KLHL4: variants seen among roughly 807,000 people sequenced by gnomAD.
KLHL4 encodes kelch like family member 4.
In KLHL4, 17 loss-of-function variants were observed where a neutral mutation model predicts 45.8. The ratio of observed to expected loss-of-function variants is 0.37; its 90% CI spans 0.25 to 0.56. The LOEUF is 0.56. Among genes scored for constraint, KLHL4 ranks in the 20% least tolerant of loss-of-function variants. KLHL4 has a pLI of 0.79. For synonymous variants in KLHL4, 224 were observed against 189.9 expected (o/e 1.18, Z -1.47); for missense variants, 544 against 544.9 (o/e 1.00, Z 0.02).
intron 1 of KLHL4, among the ~76,000 whole-genome samples, chrX:87,584,600 C>T (rs1361615324): frequency 9.0e-6 from 1 of 110,643 alleles, no homozygotes; most frequent in Non-Finnish European, 1.9e-5. Context: ...CTTTTAAGAG[C>T]AGGATGGATC....
intron 1 of KLHL4, among the ~76,000 whole-genome samples, chrX:87,565,675 G>T (rs1283502710): frequency 1.4e-4 from 11 of 81,050 alleles, no homozygotes; most frequent in African/African-American, 5.3e-4. Flanking sequence ...GCAGTGAGCC[G>T]TGATTGTGCC....
At chrX:87,626,158 G>T (rs222073) in intron 6 of KLHL4, among the ~76,000 whole-genome samples, 1 of 110,422 alleles carries the variant, frequency 9.1e-6, no homozygotes, top group Non-Finnish European at 1.9e-5. Flanking sequence ...TTAAGAATGC[G>T]CCCATTCTTA....
intron 9 of KLHL4, among the ~76,000 whole-genome samples, chrX:87,636,891 G>A (rs934714444): frequency 9.2e-6 from 1 of 109,173 alleles, no homozygotes; most frequent in Non-Finnish European, 1.9e-5. Context: ...TTCTCTTTAT[G>A]CGCTGGTAGC....
intron 1 of KLHL4, among the ~76,000 whole-genome samples, chrX:87,567,384 CA>C (rs1314327142): frequency 9.0e-6 from 1 of 111,587 alleles, no homozygotes; most frequent in East Asian, 2.9e-4. Context: ...GTATGTAAAA[CA>C]ATGCATTTTA....
At chrX:87,547,551 G>C (rs756590588) in intron 1 of KLHL4, among the ~76,000 whole-genome samples, 1 of 111,286 alleles carries the variant, frequency 9.0e-6, no homozygotes, top group African/African-American at 3.3e-5. Context: ...GTCCAGGCAC[G>C]GTGGCTCACA....
chrX:87,617,958 A>G lies in KLHL4; in HGVS notation c.754A>G (p.Ile252Val). 1.7e-6 allele frequency: 2 copies of G among 1,210,397 alleles called. No homozygotes were observed. Among genetic ancestry groups the G allele is most frequent in the Non-Finnish European group, 2.2e-6 (2 of 894,552 alleles). ...AGTCCTGCAATTGAAAGAAGATACC[A>G]TTGAAAGTTTGCTGGCTGCAGCTTG... ...TGVLQLKEDTIESLLAAACLL... is the reference protein window; with the variant it reads ...TGVLQLKEDTVESLLAAACLL... Residue 252 changes from isoleucine (I) to valine (V), a missense_variant, in exon 4 of 11, where the codon ATT (isoleucine) becomes GTT (valine). Ile to Val is a conservative substitution (Grantham distance 29, BLOSUM62 3). Coordinates refer to ENST00000373119, the MANE Select transcript of KLHL4 (RefSeq NM_019117.5).
chrX:87,649,258 A>T (rs1331177278), intron 9 of KLHL4, among the ~76,000 whole-genome samples: 1 of 111,655 alleles, frequency 9.0e-6, no homozygotes, highest in African/African-American at 3.2e-5. Flanking sequence ...TATTCTAGTT[A>T]CCTCATAAAA....
chrX:87,593,007 CAT>C (rs1412236153), intron 1 of KLHL4, among the ~76,000 whole-genome samples: 5 of 111,777 alleles, frequency 4.5e-5, no homozygotes, highest in Non-Finnish European at 7.5e-5. Flanking sequence ...GCATTTTACA[CAT>C]GTCATTCCGC....
intron 9 of KLHL4, among the ~76,000 whole-genome samples, chrX:87,640,212 C>CA (rs1165545674): frequency 6.3e-5 from 7 of 110,306 alleles, no homozygotes; most frequent in Non-Finnish European, 1.1e-4. Flanking sequence ...AAGTTACCAA[C>CA]AAAAAAAGTC....
chrX:87,621,272 A>G (rs1181379312), intron 4 of KLHL4, among the ~76,000 whole-genome samples: 1 of 111,416 alleles, frequency 9.0e-6, no homozygotes, highest in East Asian at 2.8e-4. Flanking sequence ...TTCATTTTAG[A>G]AATATATTTT....
At chrX:87,636,725 G>A (rs1419320625) in intron 9 of KLHL4, among the ~76,000 whole-genome samples, 1 of 109,993 alleles carries the variant, frequency 9.1e-6, no homozygotes, top group Non-Finnish European at 1.9e-5. Context: ...TTTCCCGGTG[G>A]CCTATGTGAC....
chrX:87,564,662 T>A (rs1932171155), intron 1 of KLHL4, among the ~76,000 whole-genome samples: 1 of 110,878 alleles, frequency 9.0e-6, no homozygotes, highest in African/African-American at 3.3e-5. Context: ...CAGCAACAAA[T>A]CATATGAAGA....
intron 1 of KLHL4, among the ~76,000 whole-genome samples, chrX:87,537,638 A>G (rs1931462973): frequency 1.8e-5 from 2 of 111,159 alleles, no homozygotes; most frequent in South Asian, 7.5e-4. Context: ...TTACTAGTGG[A>G]ATGCTTAAAT....
chrX:87,533,698 G>A (rs1466048830), intron 1 of KLHL4, among the ~76,000 whole-genome samples: 2 of 109,984 alleles, frequency 1.8e-5, no homozygotes, highest in Non-Finnish European at 3.8e-5. Context: ...AAAACTTAAA[G>A]TATAATAATA....
chrX:87,519,385 A>G (rs1332010887), intron 1 of KLHL4, among the ~76,000 whole-genome samples: 1 of 112,112 alleles, frequency 8.9e-6, no homozygotes, highest in African/African-American at 3.2e-5. Context: ...AGTTTTCCCA[A>G]TAAAACAACC....
chrX:87,560,479 C>T (rs998242762), intron 1 of KLHL4, among the ~76,000 whole-genome samples: 6 of 111,574 alleles, frequency 5.4e-5, no homozygotes, highest in Non-Finnish European at 9.4e-5. Flanking sequence ...ATGAGATCTA[C>T]CCTTTTAAGA....
At chrX:87,531,767 A>C (rs1386421877) in intron 1 of KLHL4, among the ~76,000 whole-genome samples, 2 of 97,969 alleles carry the variant, frequency 2.0e-5, no homozygotes, top group African/African-American at 7.5e-5. Context: ...TAGGAATCCA[A>C]CTTACAAGGG....
intron 1 of KLHL4, among the ~76,000 whole-genome samples, chrX:87,563,747 A>T (rs1471032368): frequency 9.0e-6 from 1 of 110,822 alleles, no homozygotes. Context: ...GAAAGATACT[A>T]GTATTCAAGT....
At chrX:87,559,048 A>T (rs1024767657) in intron 1 of KLHL4, among the ~76,000 whole-genome samples, 1 of 111,934 alleles carries the variant, frequency 8.9e-6, no homozygotes, top group African/African-American at 3.3e-5. Context: ...ATATTTCAGG[A>T]TTTACAAGCG....
Sources: allele counts gnomAD v4.1 joint callset (sites outside exome capture counted in the v4.1 genomes callset), GRCh38; gene constraint gnomAD v4.1.1; transcripts MANE v1.5; gene names NCBI Gene and HGNC (gene_info 2026-07-23, HGNC 2026-07-21).